Variants in GORASP2 observed in about 807,000 individuals in gnomAD.
GORASP2 encodes the protein golgi reassembly stacking protein 2.
GORASP2 carries 22 observed loss-of-function variants against 45.7 expected under a neutral mutation model. That is an observed-to-expected ratio of 0.48 (90% CI 0.34 to 0.69). GORASP2 has a LOEUF of 0.69. Among genes scored for constraint, GORASP2 ranks in the 30% least tolerant of loss-of-function variants. GORASP2 has a pLI of 0.01. For missense variants in GORASP2, 491 were observed against 562.7 expected (o/e 0.87, Z 1.29); for synonymous variants, 221 against 215.6 (o/e 1.02, Z -0.22).
At chr2:170,949,899 A>G in intron 3 of GORASP2, 157 bp downstream of exon 3, 2 of 612,914 alleles carry the variant, frequency 3.3e-6, no homozygotes, top group Non-Finnish European at 5.8e-6. Flanking sequence ...GTATGGATCA[A>G]TTTTTTTTTA....
intron 9 of GORASP2, among the ~76,000 whole-genome samples, chr2:170,964,291 C>T (rs1433328845): frequency 6.6e-6 from 1 of 152,196 alleles, no homozygotes; most frequent in South Asian, 2.1e-4. Context: ...TGATAATTGT[C>T]CCTCTTGTAA....
In GORASP2 at chr2:170,966,217, T is replaced by C; in HGVS notation, c.*87T>C. 1 of 944,202 alleles carries C rather than the reference T, an allele frequency of 1.1e-6. No individual in the cohort carries two copies. The highest frequency in any genetic ancestry group is 1.4e-5 in the South Asian group (1 of 73,438). 58.5% of individuals were successfully genotyped at this position (944,202 alleles called of 1,614,324 possible). A position where few individuals can be genotyped will look rare whatever the true frequency, so the allele number is the denominator to read the frequency against. ...CAAACTATCATTAATTTCATACTAG[T>C]TTGTACCGTATCTGTAGGCATCCTG... On this transcript the variant is annotated 3_prime_UTR_variant, in exon 10 of 10. Transcript: ENST00000234160.
chr2:170,929,878 C>T (rs1194386626), intron 1 of GORASP2: 2 of 417,446 alleles, frequency 4.8e-6, no homozygotes, highest in East Asian at 9.6e-5. Context: ...TAAATCACCT[C>T]GGCGCCGGCC....
chr2:170,937,235 G>A (rs1342681493), intron 1 of GORASP2, among the ~76,000 whole-genome samples: 1 of 152,032 alleles, frequency 6.6e-6, no homozygotes, highest in Non-Finnish European at 1.5e-5. Flanking sequence ...TAGAGACCCG[G>A]TTTTGCTCTG....
At chr2:170,938,136 T>G (rs547227960) in intron 1 of GORASP2, among the ~76,000 whole-genome samples, 2 of 152,350 alleles carry the variant, frequency 1.3e-5, no homozygotes, top group East Asian at 3.9e-4. Context: ...CCTCCTTGAT[T>G]ATCCTGTGGG....
At position 170,966,361 on chromosome 2, in the gene GORASP2, A is replaced by G. The variant is rs1704688531; in HGVS notation, c.*231A>G. ...GCTTGTATTTTAAACAACCAAAAAG[A>G]ATTGTAAGGGTGGCTTGCTGCCAGG... is the stretch of plus-strand genomic sequence containing the variant. On this transcript the variant is annotated 3_prime_UTR_variant, in exon 10 of 10. Coordinates refer to ENST00000234160, the MANE Select transcript of GORASP2 (RefSeq NM_015530.5). The G allele has an allele frequency of 1.8e-6, 1 of 557,910 alleles. No homozygotes were observed. The highest frequency in any genetic ancestry group is 3.2e-6 in the Non-Finnish European group (1 of 312,846). 34.6% of individuals were successfully genotyped at this position (557,910 alleles called of 1,614,324 possible).
At position 170,954,848 on chromosome 2, in the gene GORASP2, GCTACTATATGGCAGT is replaced by G; in HGVS notation, c.699+67_699+81del. 6 of 1,249,546 alleles carry G rather than the reference GCTACTATATGGCAGT, an allele frequency of 4.8e-6. No homozygotes were observed. The South Asian group carries it at 6.4e-5, about 13-fold the overall frequency. The allele number at this position is 1,249,546 out of a possible 1,614,324, so 77.4% of individuals were successfully genotyped here. On this transcript the variant is annotated intron_variant, in intron 6 of 9. Coordinates refer to ENST00000234160, the MANE Select transcript of GORASP2 (RefSeq NM_015530.5). ...ACCAAAACGAGTCACGTGTTTCAGT[GCTACTATATGGCAGT>G]AGCACTATGAAAATAGGGTAGACGA... is the stretch of plus-strand genomic sequence containing the variant.
At chr2:170,942,828 A>G (rs1307850952) in intron 1 of GORASP2, among the ~76,000 whole-genome samples, 1 of 152,188 alleles carries the variant, frequency 6.6e-6, no homozygotes, top group Non-Finnish European at 1.5e-5. Flanking sequence ...CCACCAGCAA[A>G]TGTATGAGTG....
chr2:170,934,610 G>A (rs1296650064), intron 1 of GORASP2, among the ~76,000 whole-genome samples: 2 of 151,868 alleles, frequency 1.3e-5, no homozygotes, highest in African/African-American at 4.8e-5. Flanking sequence ...CACTCATTCT[G>A]GAAACAATGG....
At chr2:170,958,615 T>C (rs1704480324) in intron 7 of GORASP2, among the ~76,000 whole-genome samples, 1 of 151,782 alleles carries the variant, frequency 6.6e-6, no homozygotes, top group Non-Finnish European at 1.5e-5. Flanking sequence ...GTCTGAATTG[T>C]TCATATTTGT....
chr2:170,950,197 A>G lies in GORASP2; in HGVS notation c.349-7A>G. On this transcript the variant is annotated splice_region_variant and splice_polypyrimidine_tract_variant and intron_variant, in intron 3 of 9. Transcript: ENST00000234160. ...TAATTTTAGGGTGTGTGTTTATGTCATTCTAGGAGGTGGAATCAAATTCTC... is the reference window on the plus strand; with the variant it reads ...TAATTTTAGGGTGTGTGTTTATGTCGTTCTAGGAGGTGGAATCAAATTCTC... 1.4e-6 allele frequency: 2 copies of G among 1,439,720 alleles called. No homozygotes were observed. Among genetic ancestry groups the G allele is most frequent in the Non-Finnish European group, 1.9e-6 (2 of 1,032,278 alleles). 89.2% of individuals were successfully genotyped at this position (1,439,720 alleles called of 1,614,324 possible).
chr2:170,939,590 T>C (rs1474111404), intron 1 of GORASP2, among the ~76,000 whole-genome samples: 1 of 152,206 alleles, frequency 6.6e-6, no homozygotes, highest in Non-Finnish European at 1.5e-5. Flanking sequence ...TTATTAGTTA[T>C]TGTTGTTAAT....
upstream of GORASP2, chr2:170,929,156 G>A: frequency 2.3e-6 from 1 of 429,558 alleles, no homozygotes. Flanking sequence ...GGCAGGTGGC[G>A]CTGTCTGCGG....
chr2:170,946,055 A>G (rs1704176664), intron 1 of GORASP2, among the ~76,000 whole-genome samples: 1 of 152,028 alleles, frequency 6.6e-6, no homozygotes, highest in African/African-American at 2.4e-5. Flanking sequence ...CCTGTCCCCT[A>G]TACCGGAGTG....
chr2:170,936,758 C>G lies in GORASP2; in HGVS notation c.63+7355C>G, dbSNP rs72876669. On this transcript the variant is annotated intron_variant, in intron 1 of 9. Coordinates refer to ENST00000234160, the MANE Select transcript of GORASP2 (RefSeq NM_015530.5). ...GTGGGGGCCCAAGAGTTTAAGACCA[C>G]GCTGGGCAACATAATGAGATCCGGT... 568 of 607,826 alleles carry G rather than the reference C, an allele frequency of 9.3e-4. 3 individuals carry two copies. The African/African-American group carries it at 0.01, about 11-fold the overall frequency. The allele number at this position is 607,826 out of a possible 1,614,324, so 37.7% of individuals were successfully genotyped here. A position where few individuals can be genotyped will look rare whatever the true frequency, so the allele number is the denominator to read the frequency against.
At chr2:170,937,462 A>C (rs1009652575) in intron 1 of GORASP2, among the ~76,000 whole-genome samples, 1 of 152,050 alleles carries the variant, frequency 6.6e-6, no homozygotes, top group African/African-American at 2.4e-5. Flanking sequence ...TAGCCTCCCA[A>C]CGTGCTGGGA....
chr2:170,952,120 T>A (rs979979170), intron 5 of GORASP2, among the ~76,000 whole-genome samples: 11 of 152,202 alleles, frequency 7.2e-5, no homozygotes, highest in Non-Finnish European at 1.5e-4. Flanking sequence ...AATGACAAAT[T>A]TTCAGTTTGC....
intron 8 of GORASP2, among the ~76,000 whole-genome samples, chr2:170,962,071 G>C (rs1392039232): frequency 6.6e-6 from 1 of 152,208 alleles, no homozygotes; most frequent in Non-Finnish European, 1.5e-5. Flanking sequence ...ATTCTCCACT[G>C]TCTCCTTAGT....
chr2:170,955,490 G>A (rs1416346785), intron 6 of GORASP2, among the ~76,000 whole-genome samples: 1 of 152,172 alleles, frequency 6.6e-6, no homozygotes, highest in African/African-American at 2.4e-5. Context: ...GTATCTCAGG[G>A]CAGTTAACTC....
Sources: gnomAD v4.1 joint callset for allele counts (sites outside exome capture counted in the v4.1 genomes callset) on GRCh38, gnomAD v4.1.1 for gene constraint, MANE v1.5 for transcripts, NCBI Gene and HGNC (gene_info 2026-07-23, HGNC 2026-07-21) for gene names.